Variants in SLC10A2 observed in about 807,000 individuals in gnomAD.
The protein encoded by SLC10A2 is ileal sodium/bile acid cotransporter.
SLC10A2 carries 34 observed loss-of-function variants against 27.1 expected under a neutral mutation model. That is an observed-to-expected ratio of 1.26 (90% confidence interval 0.96 to 1.67). The LOEUF (loss-of-function observed/expected upper bound fraction) is 1.67. Ranked by LOEUF, SLC10A2 falls within the 40% of genes most tolerant of loss-of-function variation. The probability of loss-of-function intolerance (pLI) is 0.00; values close to 1 mark genes in which losing one functional copy is unlikely to be tolerated. For synonymous variants in SLC10A2, 205 were observed against 174.0 expected (o/e 1.18, Z -1.40); for missense variants, 530 against 444.4 (o/e 1.19, Z -1.73).
chr13:103,046,032 T>C lies in SLC10A2; in HGVS notation c.*101A>G. ...ATTCCAATGAAATTCCAATTTTCACTTTAACTCTTTTCTGCCAACTGTCCT... is the reference window on the plus strand; with the variant it reads ...ATTCCAATGAAATTCCAATTTTCACCTTAACTCTTTTCTGCCAACTGTCCT... On this transcript the variant is annotated 3_prime_UTR_variant, in exon 6 of 6. Transcript: ENST00000245312. 1 of 1,447,442 alleles carries C rather than the reference T, an allele frequency of 6.9e-7. No individual in the cohort carries two copies. The highest frequency in any genetic ancestry group is 2.3e-5 in the East Asian group (1 of 43,478). 89.7% of individuals were successfully genotyped at this position (1,447,442 alleles called of 1,614,324 possible).
chr13:103,065,531 TC>T (rs1004100273), intron 1 of SLC10A2, among the ~76,000 whole-genome samples: 8 of 152,148 alleles, frequency 5.3e-5, no homozygotes, highest in Admixed American at 1.3e-4. Context: ...GCTTTTTTTT[TC>T]CTGCTACCAA....
intron 1 of SLC10A2, among the ~76,000 whole-genome samples, chr13:103,062,565 C>A (rs903094546): frequency 6.6e-6 from 1 of 152,010 alleles, no homozygotes; most frequent in Non-Finnish European, 1.5e-5. Context: ...AGGAAAAAGC[C>A]GAATGGTTTT....
intron 1 of SLC10A2, among the ~76,000 whole-genome samples, chr13:103,062,311 A>G (rs74109997): frequency 0.01 from 1,593 of 152,350 alleles, 39 homozygotes; most frequent in African/African-American, 0.036. Context: ...GGTGATTCCA[A>G]TTCTGACTCA....
chr13:103,052,675 G>C lies in SLC10A2; in HGVS notation c.530C>G (p.Ser177Cys). ...TTTGTGATTAACAAACATTCCAATG[G>C]AAACAGGAACAACGAGAGAAACCAG... ...TSLVSLVVPVSIGMFVNHKWP... is the reference protein window; with the variant it reads ...TSLVSLVVPVCIGMFVNHKWP... Residue 177 changes from serine to cysteine, a missense_variant, in exon 3 of 6, where the codon TCC (serine) becomes TGC (cysteine). Physicochemically the swap from Ser to Cys is moderately radical, Grantham distance 112. Coordinates refer to ENST00000245312, the MANE Select transcript of SLC10A2 (RefSeq NM_000452.3). The C allele has an allele frequency of 6.2e-7, 1 of 1,612,402 alleles. No individual in the cohort carries two copies. Among genetic ancestry groups the C allele is most frequent in the Non-Finnish European group, 8.5e-7 (1 of 1,178,538 alleles).
At chr13:103,059,876 G>A (rs912140635) in intron 1 of SLC10A2, among the ~76,000 whole-genome samples, 8 of 152,150 alleles carry the variant, frequency 5.3e-5, no homozygotes, top group Admixed American at 2.6e-4. Context: ...GACAAGAAGC[G>A]GAAGCTGACT....
In SLC10A2 at chr13:103,066,115, C is replaced by G. The variant is rs1239318648; in HGVS notation, c.135G>C (p.Val45=). 6.2e-7 allele frequency: 1 copy of G among 1,614,064 alleles called. No homozygotes were observed. Among genetic ancestry groups the G allele is most frequent in the East Asian group, 2.2e-5 (1 of 44,880 alleles). Reference sequence around the variant, plus strand: ...CCACGTTGCATCCCATGGAGAACATCACCAAGGCCAACAGGATGGTCAGCA... The same window carrying G: ...CCACGTTGCATCCCATGGAGAACATGACCAAGGCCAACAGGATGGTCAGCA... ...STVLTILLAL[V]MFSMGCNVEI... Residue 45 remains valine, a synonymous_variant, in exon 1 of 6, where the codon GTG becomes GTC. Transcript: ENST00000245312.
At chr13:103,063,584 C>A (rs559139334) in intron 1 of SLC10A2, among the ~76,000 whole-genome samples, 1 of 152,118 alleles carries the variant, frequency 6.6e-6, no homozygotes, top group African/African-American at 2.4e-5. Context: ...AAAACTGTTA[C>A]GCAATAGCTC....
At chr13:103,061,788 T>A (rs1876127877) in intron 1 of SLC10A2, among the ~76,000 whole-genome samples, 1 of 152,168 alleles carries the variant, frequency 6.6e-6, no homozygotes, top group Admixed American at 6.5e-5. Flanking sequence ...GCTATTTGAA[T>A]GAATATAAGA....
chr13:103,064,938 T>C (rs772318547), intron 1 of SLC10A2, among the ~76,000 whole-genome samples: 1 of 152,234 alleles, frequency 6.6e-6, no homozygotes, highest in Non-Finnish European at 1.5e-5. Context: ...TTCTACACTT[T>C]GTGCTTCTCT....
intron 2 of SLC10A2, among the ~76,000 whole-genome samples, chr13:103,053,190 A>G (rs1406564164): frequency 6.6e-6 from 1 of 151,688 alleles, no homozygotes; most frequent in African/African-American, 2.4e-5. Flanking sequence ...AATAAAAAAT[A>G]ATTTTAAAAT....
Position 103,052,728 on chromosome 13 carries a change from A to T in SLC10A2, c.497-20T>A. Reference sequence around the variant, plus strand: ...ATGTACCTAAAGATGACAGAAGGGCAATGTGATCAGCAGAACAGGTGACAC... The same window carrying T: ...ATGTACCTAAAGATGACAGAAGGGCTATGTGATCAGCAGAACAGGTGACAC... On this transcript the variant is annotated intron_variant, in intron 2 of 5. Transcript: ENST00000245312. The T allele has an allele frequency of 7.0e-7, 1 of 1,436,130 alleles. No individual in the cohort carries two copies. Among genetic ancestry groups the T allele is most frequent in the African/African-American group, 1.4e-5 (1 of 71,168 alleles). The allele number at this position is 1,436,130 out of a possible 1,614,324, so 89.0% of individuals were successfully genotyped here.
intron 2 of SLC10A2, among the ~76,000 whole-genome samples, chr13:103,056,820 AT>A (rs1795429385): frequency 6.6e-6 from 1 of 152,180 alleles, no homozygotes; most frequent in Non-Finnish European, 1.5e-5. Context: ...CCCATACTGA[AT>A]AGGGCATGTC....
intron 5 of SLC10A2, among the ~76,000 whole-genome samples, chr13:103,049,024 C>T (rs1875690601): frequency 6.6e-6 from 1 of 152,192 alleles, no homozygotes; most frequent in Non-Finnish European, 1.5e-5. Context: ...CCTCTGCCTT[C>T]CTTATTACTG....
In SLC10A2 at chr13:103,052,710, T is replaced by TA. The variant is rs1875823425; in HGVS notation, c.497-3dup. The TA allele has an allele frequency of 6.3e-7, 1 of 1,575,184 alleles. No homozygotes were observed. The highest frequency in any genetic ancestry group is 1.7e-5 in the Admixed American group (1 of 59,908). ...CAACGAGAGAAACCAGAGATGTACC[T>TA]AAAGATGACAGAAGGGCAATGTGAT... is the stretch of plus-strand genomic sequence containing the variant. On this transcript the variant is annotated splice_region_variant and splice_polypyrimidine_tract_variant and intron_variant, in intron 2 of 5. Transcript: ENST00000245312.
chr13:103,054,877 T>C lies in SLC10A2; in HGVS notation c.497-2169A>G, dbSNP rs9557994. Among the ~76,000 whole-genome samples, 124 of 152,294 alleles carry C rather than the reference T, an allele frequency of 8.1e-4. No individual in the cohort carries two copies. In the East Asian group the frequency reaches 0.02, roughly 25 times the overall value. On this transcript the variant is annotated intron_variant, in intron 2 of 5. Coordinates refer to ENST00000245312, the MANE Select transcript of SLC10A2 (RefSeq NM_000452.3). ...CCCCATGCTCTGTTTGTTTTACGTA[T>C]GCCTCATATGCCCATGTTCTCTCTG...
At chr13:103,059,577 C>G (rs1373288937) in intron 1 of SLC10A2, among the ~76,000 whole-genome samples, 1 of 152,178 alleles carries the variant, frequency 6.6e-6, no homozygotes, top group Non-Finnish European at 1.5e-5. Context: ...CTTGTGCCGT[C>G]CTTCCCTCCC....
chr13:103,065,876 A>G lies in SLC10A2; in HGVS notation c.374T>C (p.Leu125Pro). The change falls in exon 1 of 6, where the codon CTG (leucine) becomes CCG (proline). Residue 125 changes from leucine (L) to proline (P), a missense_variant. Leu to Pro is a moderately conservative substitution (Grantham distance 98). Transcript: ENST00000245312. ...LAYWVDGDMD[L>P]SVSMTTCSTL... ...TTAGAGGTATAGATAATCTTACCTC[A>G]GGTCCATGTCGCCATCGACCCAATA... The G allele has an allele frequency of 1.9e-6, 3 of 1,614,116 alleles. No individual in the cohort carries two copies. The highest frequency in any genetic ancestry group is 2.5e-6 in the Non-Finnish European group (3 of 1,180,012).
rs2138928710 is a variant in SLC10A2, at chr13:103,066,193, A to G, written c.57T>C (p.Cys19=). 6.2e-7 allele frequency: 1 copy of G among 1,614,152 alleles called. No homozygotes were observed. The highest frequency in any genetic ancestry group is 8.5e-7 in the Non-Finnish European group (1 of 1,179,994). The change falls in exon 1 of 6, where the codon TGT becomes TGC. Residue 19 remains cysteine (C), a synonymous_variant. Transcript: ENST00000245312. ...TATTGAAATTGCTCTCAGGTACCAC[A>G]CAGGATGCACCAGAGCAAACTGTTG... ...DNATVCSGAS[C]VVPESNFNNI... is the part of the protein sequence containing the mutation.
rs1398591728 is a variant in SLC10A2, at chr13:103,054,575, G to A, written c.497-1867C>T. 2.7e-5 allele frequency among the ~76,000 whole-genome samples: 4 copies of A among 147,766 alleles called. No individual in the cohort carries two copies. In the South Asian group the frequency reaches 8.9e-4, roughly 33 times the overall value. On this transcript the variant is annotated intron_variant, in intron 2 of 5. Coordinates refer to ENST00000245312, the MANE Select transcript of SLC10A2 (RefSeq NM_000452.3). ...AGGTTTTGGTCCTATATTTTAATGT[G>A]CTGAATCTGTTTGGCCCCTCCTGCT... is the stretch of plus-strand genomic sequence containing the variant.
Sources: allele counts gnomAD v4.1 joint callset (sites outside exome capture counted in the v4.1 genomes callset), GRCh38; gene constraint gnomAD v4.1.1; transcripts MANE v1.5; gene names NCBI Gene and HGNC (gene_info 2026-07-23, HGNC 2026-07-21).